NCOA5: variants seen among roughly 807,000 people sequenced by gnomAD.
NCOA5 encodes the protein NCoA-5.
In NCOA5, 12 loss-of-function variants were observed where a neutral mutation model predicts 59.0. The ratio of observed to expected loss-of-function variants is 0.20; its 90% CI spans 0.13 to 0.33. The LOEUF (loss-of-function observed/expected upper bound fraction) is 0.33, where lower values mean the gene tolerates loss of function less well. NCOA5 is among the 10% of genes least tolerant of loss of function. NCOA5 has a pLI of 1.00. For missense variants in NCOA5, 655 were observed against 766.6 expected (o/e 0.85, Z 1.72); for synonymous variants, 270 against 275.5 (o/e 0.98, Z 0.20).
intron 1 of NCOA5, among the ~76,000 whole-genome samples, chr20:46,089,404 G>T: frequency 6.6e-6 from 1 of 152,234 alleles, no homozygotes; most frequent in East Asian, 1.9e-4. Flanking sequence ...CCTTGGGCCC[G>T]GTTCGAATCC....
chr20:46,079,270 G>A (rs2084968234), intron 2 of NCOA5, 117 bp downstream of exon 2: 2 of 947,868 alleles, frequency 2.1e-6, no homozygotes, highest in South Asian at 2.6e-5. Flanking sequence ...TGTTCTTATT[G>A]TTTGCTTGAG....
In NCOA5 at chr20:46,067,191, A is replaced by G; in HGVS notation, c.503-10T>C. On this transcript the variant is annotated splice_polypyrimidine_tract_variant and intron_variant, in intron 4 of 7. Transcript: ENST00000290231. The stretch of plus-strand genomic sequence containing the variant: ...TCACGTTTCAAACGCTCTGCAAAAC[A>G]CCACCAGGGTAAACTGAAATAAGGA... 3 of 1,610,666 alleles carry G rather than the reference A, an allele frequency of 1.9e-6. No individual in the cohort carries two copies. The highest frequency in any genetic ancestry group is 2.5e-6 in the Non-Finnish European group (3 of 1,178,898).
chr20:46,068,767 C>T (rs1327606161), intron 3 of NCOA5, 129 bp from the exon 4 acceptor site: 5 of 828,672 alleles, frequency 6.0e-6, no homozygotes, highest in Non-Finnish European at 9.2e-6. Context: ...AGCTCTGTGG[C>T]TGTGATAGAG....
intron 4 of NCOA5, among the ~76,000 whole-genome samples, chr20:46,067,956 G>T (rs1420087152): frequency 3.7e-4 from 56 of 151,212 alleles, no homozygotes; most frequent in Admixed American, 3.6e-3. Flanking sequence ...TTTGAGACAG[G>T]GTCTCACTCT....
Position 46,089,924 on chromosome 20 carries a change from C to CCGGCGCGGGCACGAGGCAATGG in NCOA5, c.-159_-138dup, listed in dbSNP as rs1211954106. 1.3e-5 allele frequency: 2 copies of CCGGCGCGGGCACGAGGCAATGG among 152,236 alleles called. No homozygotes were observed. 9.4% of individuals were successfully genotyped at this position (152,236 alleles called of 1,614,324 possible). A position where few individuals can be genotyped will look rare whatever the true frequency, so the allele number is the denominator to read the frequency against. ...GTAGGACAAAGGCGCCACCAACCGA[C>CCGGCGCGGGCACGAGGCAATGG]CGGCGCGGGCACGAGGCAATGGCGG... On this transcript the variant is annotated 5_prime_UTR_variant, in exon 1 of 8. Coordinates refer to ENST00000290231, the MANE Select transcript of NCOA5 (RefSeq NM_020967.3).
At chr20:46,088,252 T>C (rs1268592704) in intron 1 of NCOA5, among the ~76,000 whole-genome samples, 3 of 152,206 alleles carry the variant, frequency 2.0e-5, no homozygotes, top group African/African-American at 4.8e-5. Flanking sequence ...CCTTGCAATA[T>C]GGATTCGCTG....
intron 7 of NCOA5, among the ~76,000 whole-genome samples, 184 bp downstream of exon 7, chr20:46,063,176 T>G (rs997143489): frequency 1.2e-4 from 18 of 152,314 alleles, no homozygotes; most frequent in African/African-American, 4.3e-4. Flanking sequence ...CAGCATTCAG[T>G]ACCCAAATAT....
At chr20:46,076,380 GATTA>G (rs896287023) in intron 2 of NCOA5, among the ~76,000 whole-genome samples, 3 of 152,142 alleles carry the variant, frequency 2.0e-5, no homozygotes, top group African/African-American at 7.2e-5. Flanking sequence ...GCCCCTTCCA[GATTA>G]ATTACTTGCC....
Position 46,063,551 on chromosome 20 carries a change from G to C in NCOA5, c.959C>G (p.Ala320Gly). Residue 320 changes from alanine to glycine, a missense_variant, in exon 7 of 8, where the codon GCC becomes GGC. Around this residue, in one of 3 missense-constraint regions of NCOA5, gnomAD observed 325 missense variants for 353.2 expected, o/e 0.92. Transcript: ENST00000290231. ...TCCTCTCTCTCTTTCCTGCAGGATG[G>C]CTTCATCGGCCATCTTGGCTGCCTG... ...ARQAAKMADE[A>G]ILQERERGGP... 1 of 1,614,146 alleles carries C rather than the reference G, an allele frequency of 6.2e-7. No individual in the cohort carries two copies. Among genetic ancestry groups the C allele is most frequent in the Non-Finnish European group, 8.5e-7 (1 of 1,180,038 alleles).
intron 1 of NCOA5, among the ~76,000 whole-genome samples, chr20:46,081,264 G>A (rs766765787): frequency 2.0e-4 from 30 of 152,054 alleles, no homozygotes; most frequent in Admixed American, 1.9e-3. Context: ...CAGGTTAAGA[G>A]TACAACACAT....
chr20:46,062,819 C>T lies in NCOA5; in HGVS notation c.1221G>A (p.Pro407=), dbSNP rs1053516167. Residue 407 remains proline (P), a synonymous_variant, in exon 8 of 8, where the codon CCG becomes CCA. Coordinates refer to ENST00000290231, the MANE Select transcript of NCOA5 (RefSeq NM_020967.3). ...AGGGGAGCACTTGGCCGCTCTGGAG[C>T]GGTTGGGAGCTTGGCTGTGTCTTCA... ...ASLKTQPSSQ[P]LQSGQVLPSA... 7 of 1,548,176 alleles carry T rather than the reference C, an allele frequency of 4.5e-6. No homozygotes were observed. Among genetic ancestry groups the T allele is most frequent in the Middle Eastern group, 1.7e-4 (1 of 5,728 alleles).
intron 1 of NCOA5, among the ~76,000 whole-genome samples, chr20:46,084,846 T>G (rs1037367724): frequency 6.6e-6 from 1 of 152,142 alleles, no homozygotes; most frequent in African/African-American, 2.4e-5. Flanking sequence ...AAATACAGAT[T>G]TAAAACTGGC....
chr20:46,070,396 A>G lies in NCOA5; in HGVS notation c.179T>C (p.Leu60Ser). ...DSRDIRDPRD[L>S]RDHRHSRDLR... ...ATCTCTACTATGTCTGTGGTCCCGC[A>G]AGTCTCGGGGGTCTCGAATGTCTCT... Residue 60 changes from leucine (L) to serine (S), a missense_variant, in exon 3 of 8, where the codon TTG becomes TCG. By Grantham distance (145) the Leu-to-Ser change is moderately radical. Coordinates refer to ENST00000290231, the MANE Select transcript of NCOA5 (RefSeq NM_020967.3). 7 of 1,611,498 alleles carry G rather than the reference A, an allele frequency of 4.3e-6. No individual in the cohort carries two copies. The highest frequency in any genetic ancestry group is 5.1e-6 in the Non-Finnish European group (6 of 1,179,414).
intron 1 of NCOA5, among the ~76,000 whole-genome samples, chr20:46,080,397 A>C (rs2084979533): frequency 6.6e-6 from 1 of 152,222 alleles, no homozygotes; most frequent in Non-Finnish European, 1.5e-5. Context: ...TGAAGAAATA[A>C]AAGTGCTTTC....
chr20:46,070,033 T>C (rs923469576), intron 3 of NCOA5, among the ~76,000 whole-genome samples, 177 bp downstream of exon 3: 1 of 152,202 alleles, frequency 6.6e-6, no homozygotes, highest in African/African-American at 2.4e-5. Context: ...GTTAAAAATG[T>C]TGAAAATCAT....
At chr20:46,077,084 T>C (rs2084945808) in intron 2 of NCOA5, among the ~76,000 whole-genome samples, 1 of 152,030 alleles carries the variant, frequency 6.6e-6, no homozygotes, top group African/African-American at 2.4e-5. Context: ...CGCCCGGCTA[T>C]TTTTTTGTAG....
At chr20:46,087,576 G>A (rs1028769630) in intron 1 of NCOA5, among the ~76,000 whole-genome samples, 1 of 152,134 alleles carries the variant, frequency 6.6e-6, no homozygotes, top group African/African-American at 2.4e-5. Context: ...TGACCAACAT[G>A]GAGAAACCCC....
intron 2 of NCOA5, among the ~76,000 whole-genome samples, chr20:46,078,798 T>C (rs1401694311): frequency 6.6e-6 from 1 of 152,086 alleles, no homozygotes; most frequent in Non-Finnish European, 1.5e-5. Flanking sequence ...GAAGGAAGAA[T>C]ACATTGGGAA....
In NCOA5 at chr20:46,067,038, T is replaced by C. The variant is rs1259345056; in HGVS notation, c.629+17A>G. 2 of 1,610,344 alleles carry C rather than the reference T, an allele frequency of 1.2e-6. No homozygotes were observed. The highest frequency in any genetic ancestry group is 1.7e-6 in the Non-Finnish European group (2 of 1,178,932). On this transcript the variant is annotated intron_variant, in intron 5 of 7. Transcript: ENST00000290231. Reference sequence around the variant, plus strand: ...GACTCTTCTCCTTACTGGGGAGAAATATCTAAGGGTTCTTACTTTGTCTGT... The same window carrying C: ...GACTCTTCTCCTTACTGGGGAGAAACATCTAAGGGTTCTTACTTTGTCTGT...
Sources: gnomAD v4.1 joint callset for allele counts (sites outside exome capture counted in the v4.1 genomes callset) on GRCh38, gnomAD v4.1.1 for gene constraint, gnomAD v4.1.1 regional missense constraint, MANE v1.5 for transcripts, NCBI Gene and HGNC (gene_info 2026-07-23, HGNC 2026-07-21) for gene names.